The following BPIFC variants were observed in gnomAD, a reference collection of about 807,000 sequenced individuals.
BPIFC encodes BPI fold containing family C.
Under a neutral mutation model 57.6 loss-of-function variants are expected in BPIFC, and 60 were observed. The ratio of observed to expected loss-of-function variants is 1.04; its 90% CI spans 0.85 to 1.29. The LOEUF (loss-of-function observed/expected upper bound fraction) is 1.29. Ranked by LOEUF, BPIFC falls within the 50% of genes most tolerant of loss-of-function variation. BPIFC has a pLI of 0.00. For synonymous variants in BPIFC, 243 were observed against 224.5 expected, an observed-to-expected ratio of 1.08 and a Z score of -0.74; for missense variants, 581 against 600.5, an observed-to-expected ratio of 0.97 and a Z score of 0.34.
chr22:32,415,880 A>G (rs1933658529), intron 16 of BPIFC, 35 bp downstream of exon 16: 2 of 1,431,460 alleles, frequency 1.4e-6, no homozygotes, highest in African/African-American at 1.5e-5. Flanking sequence ...ATAAAAAGAA[A>G]TGGGTCAGTT....
intron 4 of BPIFC, among the ~76,000 whole-genome samples, chr22:32,452,577 G>T (rs1934924664): frequency 6.6e-6 from 1 of 151,746 alleles, no homozygotes; most frequent in South Asian, 2.1e-4. Flanking sequence ...GGCAGAGCTT[G>T]CAGTGAGCCG....
chr22:32,421,088 C>T (rs1933835482), intron 13 of BPIFC, among the ~76,000 whole-genome samples: 1 of 152,190 alleles, frequency 6.6e-6, no homozygotes, highest in Non-Finnish European at 1.5e-5. Context: ...GTCCTCCTCC[C>T]TGACCCCTCT....
intron 4 of BPIFC, among the ~76,000 whole-genome samples, chr22:32,447,607 CTTTTTTTT>C (rs11375413): frequency 5.3e-5 from 7 of 132,830 alleles, no homozygotes; most frequent in African/African-American, 2.0e-4. Context: ...CTCTCGCTCT[CTTTTTTTT>C]TTTTTTTTTG....
rs755981985 is a variant in BPIFC at position 32,457,331 on chromosome 22, T to G, written c.56A>C (p.Tyr19Ser). ...LWGCFLLWNLYVSSSQTIYPG... is the reference protein window; with the variant it reads ...LWGCFLLWNLSVSSSQTIYPG... The stretch of plus-strand genomic sequence containing the variant: ...GTAAATGGTCTGAGAGGATGAGACA[T>G]AGAGATTCCACAGGAGGAAACATCC... Residue 19 changes from tyrosine to serine, a missense_variant, in exon 3 of 17, where the codon TAT (tyrosine) becomes TCT (serine). Physicochemically the swap from Tyr to Ser is moderately radical, Grantham distance 144. Coordinates refer to ENST00000300399, the MANE Select transcript of BPIFC (RefSeq NM_174932.3). 1.2e-6 allele frequency: 2 copies of G among 1,611,052 alleles called. No individual in the cohort carries two copies. The highest frequency in any genetic ancestry group is 3.4e-5 in the Admixed American group (2 of 58,772).
intron 12 of BPIFC, 57 bp from the exon 13 acceptor site, chr22:32,431,471 A>G: frequency 8.4e-7 from 1 of 1,188,904 alleles, no homozygotes; most frequent in South Asian, 1.2e-5. Context: ...TTTGGCCATC[A>G]GTATAATTTC....
At chr22:32,445,013 T>C (rs1156384113) in intron 7 of BPIFC, among the ~76,000 whole-genome samples, 3 of 152,228 alleles carry the variant, frequency 2.0e-5, no homozygotes, top group Non-Finnish European at 4.4e-5. Context: ...AATAGGTACA[T>C]AATAAGTAAA....
intron 13 of BPIFC, among the ~76,000 whole-genome samples, chr22:32,431,138 C>T (rs1237306077): frequency 7.1e-6 from 1 of 141,808 alleles, no homozygotes; most frequent in Admixed American, 7.3e-5. Context: ...TTTTTTGAGA[C>T]AGAGTCTCAC....
Position 32,428,106 on chromosome 22 carries a change from C to T in BPIFC, c.1217+3241G>A, listed in dbSNP as rs577781800. 5.2e-3 allele frequency among the ~76,000 whole-genome samples: 795 copies of T among 152,042 alleles called. 9 individuals are homozygous for T. The highest frequency in any genetic ancestry group is 0.019 in the African/African-American group (768 of 41,460). On this transcript the variant is annotated intron_variant, in intron 13 of 16. Transcript: ENST00000300399. ...GGGGTCACCTCATGACTTCTGGAGG[C>T]CTGAGGCACTTTTGTCTTTGGGGAC...
intron 13 of BPIFC, among the ~76,000 whole-genome samples, chr22:32,429,505 C>CTTTT (rs1934169835): frequency 1.7e-4 from 17 of 101,466 alleles, no homozygotes; most frequent in East Asian, 9.0e-4. Flanking sequence ...GGCAACTGGC[C>CTTTT]TTTGTTTTTT....
intron 4 of BPIFC, among the ~76,000 whole-genome samples, chr22:32,450,016 G>A (rs1182221801): frequency 6.6e-6 from 1 of 151,942 alleles, no homozygotes; most frequent in Non-Finnish European, 1.5e-5. Context: ...TTACAAGCGT[G>A]AGCCATCACG....
At chr22:32,424,191 C>T (rs937835214) in intron 13 of BPIFC, among the ~76,000 whole-genome samples, 4 of 152,112 alleles carry the variant, frequency 2.6e-5, no homozygotes, top group African/African-American at 9.7e-5. Flanking sequence ...GAAACTGATA[C>T]TTAACGAGGT....
In BPIFC at chr22:32,414,323, T is replaced by TC; in HGVS notation, c.1503dup (p.Arg502GlufsTer27). On this transcript the variant is annotated frameshift_variant, in exon 17 of 17. Coordinates refer to ENST00000300399, the MANE Select transcript of BPIFC (RefSeq NM_174932.3). LOFTEE classifies it high-confidence loss of function. ...GGCAATCAAGGGGCTGACTTCCCCC[T>TC]CCACTGTCTGCTTATCAGGTTCAGA... 3.1e-6 allele frequency: 5 copies of TC among 1,613,736 alleles called. No individual in the cohort carries two copies. The highest frequency in any genetic ancestry group is 4.2e-6 in the Non-Finnish European group (5 of 1,179,782).
In BPIFC at chr22:32,442,661, T is replaced by C. The variant is rs1934596985; in HGVS notation, c.655+10A>G. The stretch of plus-strand genomic sequence containing the variant: ...GACAACCATCTGGAAAAGACAGTTC[T>C]AAGACTCACCCTCCAGTGTGCTGAG... On this transcript the variant is annotated intron_variant, in intron 8 of 16. Transcript: ENST00000300399. 3 of 1,612,284 alleles carry C rather than the reference T, an allele frequency of 1.9e-6. No individual in the cohort carries two copies. The highest frequency in any genetic ancestry group is 1.3e-5 in the African/African-American group (1 of 74,894).
chr22:32,442,656 A>G lies in BPIFC; in HGVS notation c.655+15T>C. 3 of 1,611,012 alleles carry G rather than the reference A, an allele frequency of 1.9e-6. No individual in the cohort carries two copies. The highest frequency in any genetic ancestry group is 2.5e-6 in the Non-Finnish European group (3 of 1,177,412). On this transcript the variant is annotated intron_variant, in intron 8 of 16. Transcript: ENST00000300399. Reference sequence around the variant, plus strand: ...AGGAAGACAACCATCTGGAAAAGACAGTTCTAAGACTCACCCTCCAGTGTG... The same window carrying G: ...AGGAAGACAACCATCTGGAAAAGACGGTTCTAAGACTCACCCTCCAGTGTG...
At chr22:32,422,936 TC>T (rs1933890131) in intron 13 of BPIFC, among the ~76,000 whole-genome samples, 1 of 152,194 alleles carries the variant, frequency 6.6e-6, no homozygotes, top group East Asian at 1.9e-4. Flanking sequence ...CCATTGTCCT[TC>T]TGTGTTAAAA....
intron 12 of BPIFC, 28 bp from the exon 13 acceptor site, chr22:32,431,442 A>ATTTATTTATTTTTATTTTTTTTTTTTTTG: frequency 1.6e-6 from 2 of 1,217,748 alleles, no homozygotes; most frequent in Non-Finnish European, 2.4e-6. Context: ...ATTTATTATT[A>ATTTATTTATTTTTATTTTTTTTTTTTTTG]AGACGAGTGA....
intron 13 of BPIFC, among the ~76,000 whole-genome samples, chr22:32,422,162 A>G (rs1176492383): frequency 2.6e-5 from 4 of 152,120 alleles, no homozygotes; most frequent in African/African-American, 9.7e-5. Context: ...AAGAAAGGAG[A>G]TGATGTCTGT....
At chr22:32,448,730 G>T (rs1934803251) in intron 4 of BPIFC, among the ~76,000 whole-genome samples, 2 of 152,152 alleles carry the variant, frequency 1.3e-5, no homozygotes, top group South Asian at 4.1e-4. Context: ...ACAAGGTCAG[G>T]AGTTCGAGAC....
At chr22:32,417,034 G>T (rs1933698656) in intron 15 of BPIFC, 51 bp downstream of exon 15, 2 of 1,413,658 alleles carry the variant, frequency 1.4e-6, no homozygotes, top group African/African-American at 1.4e-5. Context: ...CGATGCAGAT[G>T]TTAAATGTTA....
Sources: allele counts gnomAD v4.1 joint callset (sites outside exome capture counted in the v4.1 genomes callset), GRCh38; gene constraint gnomAD v4.1.1; transcripts MANE v1.5; gene names NCBI Gene and HGNC (gene_info 2026-07-23, HGNC 2026-07-21).